NCOA1: variants seen among roughly 807,000 people sequenced by gnomAD.
NCOA1 encodes nuclear receptor coactivator 1.
Under a neutral mutation model 150.9 loss-of-function variants are expected in NCOA1, and 35 were observed. That is an observed-to-expected ratio of 0.23 (90% CI 0.18 to 0.31). The LOEUF (loss-of-function observed/expected upper bound fraction) is 0.31. Ranked by LOEUF, NCOA1 falls within the 10% of genes least tolerant of loss-of-function variation. The pLI, the probability that NCOA1 is intolerant of heterozygous loss-of-function variation, is 1.00. For synonymous variants in NCOA1, 590 were observed against 630.0 expected, an observed-to-expected ratio of 0.94 and a Z score of 0.95; for missense variants, 1,491 against 1,749.3, an observed-to-expected ratio of 0.85 and a Z score of 2.63.
chr2:24,706,559 TC>T lies in NCOA1; in HGVS notation c.1098-4del, dbSNP rs761792439. 6.4e-7 allele frequency: 1 copy of T among 1,572,332 alleles called. No homozygotes were observed. The highest frequency in any genetic ancestry group is 2.3e-5 in the East Asian group (1 of 44,348). On this transcript the variant is annotated splice_region_variant and splice_polypyrimidine_tract_variant and intron_variant, in intron 12 of 22. Transcript: ENST00000348332. ...AGATGTTTGAATAATAATGTCTTTT[TC>T]CCCCTAGGGAGCACAGTGGGCTTTC...
At chr2:24,635,448 G>GT (rs909143619) in intron 3 of NCOA1, among the ~76,000 whole-genome samples, 1 of 151,428 alleles carries the variant, frequency 6.6e-6, no homozygotes, top group African/African-American at 2.4e-5. Context: ...TTACTGCTTG[G>GT]TTTTGAAAAA....
At chr2:24,741,104 C>T (rs964533522) in intron 18 of NCOA1, among the ~76,000 whole-genome samples, 5 of 151,946 alleles carry the variant, frequency 3.3e-5, no homozygotes, top group African/African-American at 1.2e-4. Flanking sequence ...GTGATAATTT[C>T]TTAGGCATTG....
chr2:24,549,007 C>T (rs953896231), intron 1 of NCOA1, among the ~76,000 whole-genome samples: 3 of 152,170 alleles, frequency 2.0e-5, no homozygotes, highest in African/African-American at 7.2e-5. Context: ...CCAGTAGGGA[C>T]TGTGTGTGGG....
chr2:24,652,782 C>G (rs1478734238), intron 4 of NCOA1, among the ~76,000 whole-genome samples: 1 of 152,104 alleles, frequency 6.6e-6, no homozygotes, highest in East Asian at 1.9e-4. Flanking sequence ...GGTACTTTTA[C>G]TTAGAAACCT....
At chr2:24,537,239 TACACAC>T (rs36086647) in intron 1 of NCOA1, among the ~76,000 whole-genome samples, 118 of 148,370 alleles carry the variant, frequency 8.0e-4, no homozygotes, top group Non-Finnish European at 9.2e-4. Flanking sequence ...CTGTGATACA[TACACAC>T]ACACACACAC....
intron 4 of NCOA1, among the ~76,000 whole-genome samples, chr2:24,644,955 A>G (rs534954858): frequency 2.2e-4 from 33 of 152,270 alleles, no homozygotes; most frequent in African/African-American, 7.5e-4. Context: ...CTTTTAAAGG[A>G]GGCGACAGTT....
In NCOA1 at chr2:24,706,845, C is replaced by G; in HGVS notation, c.1375C>G (p.Gln459Glu). Residue 459 changes from glutamine to glutamate, a missense_variant, in exon 13 of 23, where the codon CAG (glutamine) becomes GAG (glutamate). Gln to Glu is a conservative substitution (Grantham distance 29). Around this residue, in one of 8 missense-constraint regions of NCOA1, gnomAD observed 703 missense variants for 717.7 expected, o/e 0.98. Coordinates refer to ENST00000348332, the MANE Select transcript of NCOA1 (RefSeq NM_003743.5). ...AGCCAATGTTGCCTTAAACCAAGGA[C>G]AGGCCAGTTCACAGAGCAGTAATCC... ...IVANVALNQG[Q>E]ASSQSSNPSL... The G allele has an allele frequency of 1.9e-6, 3 of 1,614,196 alleles. No homozygotes were observed. Among genetic ancestry groups the G allele is most frequent in the Non-Finnish European group, 2.5e-6 (3 of 1,180,036 alleles).
At chr2:24,734,747 G>A (rs1558325203) in intron 17 of NCOA1, among the ~76,000 whole-genome samples, 1 of 152,136 alleles carries the variant, frequency 6.6e-6, no homozygotes, top group Non-Finnish European at 1.5e-5. Flanking sequence ...CAAGGCTGCA[G>A]TGAGCTATGA....
chr2:24,514,840 T>A (rs1664100503), intron 1 of NCOA1, among the ~76,000 whole-genome samples: 1 of 152,194 alleles, frequency 6.6e-6, no homozygotes, highest in South Asian at 2.1e-4. Flanking sequence ...GATTTTGATG[T>A]TAAAGACATC....
intron 2 of NCOA1, among the ~76,000 whole-genome samples, chr2:24,575,873 G>T (rs531542408): frequency 8.6e-5 from 13 of 152,020 alleles, no homozygotes; most frequent in Non-Finnish European, 1.5e-4. Context: ...GCTCTCGGCC[G>T]AAGAGGCCAT....
At chr2:24,516,984 G>GTATATATACGTGTATATATACT (rs1558758676) in intron 1 of NCOA1, among the ~76,000 whole-genome samples, 1 of 48,544 alleles carries the variant, frequency 2.1e-5, no homozygotes, top group African/African-American at 4.3e-5. Flanking sequence ...ACACATATAC[G>GTATATATACGTGTATATATACT]TATATATATA....
intron 5 of NCOA1, among the ~76,000 whole-genome samples, chr2:24,663,162 C>T (rs533090607): frequency 5.3e-5 from 8 of 152,184 alleles, no homozygotes; most frequent in Middle Eastern, 3.4e-3. Context: ...CTGATCTGGA[C>T]CACATCTCTT....
chr2:24,634,664 C>A (rs1669853710), intron 3 of NCOA1, among the ~76,000 whole-genome samples: 1 of 150,276 alleles, frequency 6.7e-6, no homozygotes, highest in Non-Finnish European at 1.5e-5. Flanking sequence ...TAAGGGTTTG[C>A]TCCATCCATC....
intron 1 of NCOA1, among the ~76,000 whole-genome samples, chr2:24,509,873 G>C (rs1342890123): frequency 2.0e-5 from 3 of 152,166 alleles, no homozygotes; most frequent in African/African-American, 7.2e-5. Flanking sequence ...TAGCTGGGTA[G>C]TGGGTATATA....
intron 1 of NCOA1, among the ~76,000 whole-genome samples, chr2:24,546,388 A>G (rs1273865008): frequency 2.0e-5 from 3 of 152,184 alleles, no homozygotes; most frequent in Non-Finnish European, 2.9e-5. Flanking sequence ...TTCTGATTTA[A>G]TATGTTATTT....
intron 22 of NCOA1, among the ~76,000 whole-genome samples, chr2:24,763,479 G>A (rs915912424): frequency 1.2e-4 from 18 of 146,752 alleles, no homozygotes; most frequent in African/African-American, 4.3e-4. Flanking sequence ...GGCGGAGCCT[G>A]CAGTGAGCCG....
chr2:24,700,324 G>A (rs985104106), intron 11 of NCOA1, among the ~76,000 whole-genome samples: 2 of 152,000 alleles, frequency 1.3e-5, no homozygotes, highest in African/African-American at 2.4e-5. Flanking sequence ...TCCTGATTTT[G>A]TGTAGAACTT....
chr2:24,741,969 T>A lies in NCOA1; in HGVS notation c.3489T>A (p.Ala1163=). ...QMGNPRLPQG[A]PQQFPYPPNY... ...GGAACCCCCGTCTTCCTCAGGGTGC[T>A]CCACAGCAATTCCCCTATCCACCAA... The change falls in exon 19 of 23, where the codon GCT becomes GCA. Residue 1163 remains alanine (A), a synonymous_variant. Coordinates refer to ENST00000348332, the MANE Select transcript of NCOA1 (RefSeq NM_003743.5). The A allele has an allele frequency of 6.2e-7, 1 of 1,614,192 alleles. No individual in the cohort carries two copies. Among genetic ancestry groups the A allele is most frequent in the Non-Finnish European group, 8.5e-7 (1 of 1,180,030 alleles).
At chr2:24,653,695 AC>A (rs1391173548) in intron 4 of NCOA1, among the ~76,000 whole-genome samples, 2 of 152,202 alleles carry the variant, frequency 1.3e-5, no homozygotes, top group Middle Eastern at 3.2e-3. Flanking sequence ...TAATAAAAAA[AC>A]ATAGGCCCAG....
Sources: allele counts gnomAD v4.1 joint callset (sites outside exome capture counted in the v4.1 genomes callset), GRCh38; gene constraint gnomAD v4.1.1; regional missense constraint gnomAD v4.1.1; transcripts MANE v1.5; gene names NCBI Gene and HGNC (gene_info 2026-07-23, HGNC 2026-07-21).